GNAL: variants seen among roughly 807,000 people sequenced by gnomAD.
GNAL encodes the protein G protein subunit alpha L, also known as guanine nucleotide-binding protein G(olf) subunit alpha.
GNAL carries 18 observed loss-of-function variants against 55.1 expected under a neutral mutation model. That is an observed-to-expected ratio of 0.33 (90% CI 0.23 to 0.48). The LOEUF is 0.48. Ranked by LOEUF, GNAL falls within the 20% of genes least tolerant of loss-of-function variation. The probability of loss-of-function intolerance (pLI) is 0.99; values close to 1 mark genes in which losing one functional copy is unlikely to be tolerated. For synonymous variants in GNAL, 253 were observed against 237.0 expected (o/e 1.07, Z -0.62); for missense variants, 412 against 614.1 (o/e 0.67, Z 3.48).
At chr18:11,867,115 GC>G in intron 7 of GNAL, 52 bp from the exon 8 acceptor site, 1 of 1,342,674 alleles carries the variant, frequency 7.4e-7, no homozygotes, top group South Asian at 1.2e-5. Context: ...AAGCACGTTT[GC>G]CATTGTCCCC....
chr18:11,812,205 T>TA (rs1406351519), intron 4 of GNAL, among the ~76,000 whole-genome samples: 1 of 152,270 alleles, frequency 6.6e-6, no homozygotes, highest in Non-Finnish European at 1.5e-5. Context: ...AACTGATTAG[T>TA]AAAAGTTTAT....
chr18:11,833,500 C>T (rs1161835492), intron 5 of GNAL: 1 of 152,172 alleles, frequency 6.6e-6, no homozygotes, highest in Non-Finnish European at 1.5e-5. Flanking sequence ...TTTTATTCTC[C>T]TCTAGAAACC....
At chr18:11,703,075 G>A (rs149818319) in intron 1 of GNAL, among the ~76,000 whole-genome samples, 2,571 of 152,156 alleles carry the variant, frequency 0.017, 54 homozygotes, top group African/African-American at 0.052. Flanking sequence ...CAGAGATTGC[G>A]CCACTGCACT....
chr18:11,851,048 C>T (rs1298107528), intron 5 of GNAL, among the ~76,000 whole-genome samples: 1 of 152,200 alleles, frequency 6.6e-6, no homozygotes, highest in African/African-American at 2.4e-5. Flanking sequence ...GGTTTTTAGC[C>T]CGCTAGCCAG....
Position 11,884,779 on chromosome 18 carries a change from C to G in GNAL, c.*3644C>G, listed in dbSNP as rs1312256197. 3.7e-6 allele frequency: 5 copies of G among 1,343,212 alleles called. No individual in the cohort carries two copies. In the East Asian group the frequency reaches 1.3e-4, roughly 34 times the overall value. 83.2% of individuals were successfully genotyped at this position (1,343,212 alleles called of 1,614,324 possible). On this transcript the variant is annotated 3_prime_UTR_variant, in exon 12 of 12. Coordinates refer to ENST00000334049, the MANE Select transcript of GNAL (RefSeq NM_182978.4). ...CTCACCTGAGACCAAGGGGGCCCAG[C>G]CTTCTCCCTGCACAGCTCACCCCCG...
At chr18:11,717,858 A>G (rs1189740794) in intron 1 of GNAL, among the ~76,000 whole-genome samples, 2 of 152,228 alleles carry the variant, frequency 1.3e-5, no homozygotes, top group Non-Finnish European at 2.9e-5. Flanking sequence ...TACCTGGGTA[A>G]TGAAATAATC....
intron 1 of GNAL, among the ~76,000 whole-genome samples, chr18:11,712,331 C>A (rs1001182709): frequency 6.6e-6 from 1 of 152,208 alleles, no homozygotes; most frequent in African/African-American, 2.4e-5. Context: ...AGCTTGGGGG[C>A]AGGCCCGACG....
At chr18:11,715,928 A>T (rs2031952362) in intron 1 of GNAL, among the ~76,000 whole-genome samples, 1 of 152,174 alleles carries the variant, frequency 6.6e-6, no homozygotes, top group African/African-American at 2.4e-5. Flanking sequence ...GAGAAGTGCA[A>T]ATCAAAACTA....
intron 5 of GNAL, 100 bp from the exon 6 acceptor site, chr18:11,862,295 C>T (rs1346876629): frequency 1.2e-6 from 1 of 832,356 alleles, no homozygotes; most frequent in Admixed American, 1.9e-5. Context: ...GGCCTGCCCC[C>T]ATCCTTGCTG....
chr18:11,805,287 A>G (rs1598474945), intron 4 of GNAL, among the ~76,000 whole-genome samples: 1 of 151,966 alleles, frequency 6.6e-6, no homozygotes, highest in African/African-American at 2.4e-5. Context: ...GTGGTGAAGT[A>G]CAGGTGCAAT....
rs372490535 is a variant in GNAL, at chr18:11,788,908, A to AT, written c.624+34963_624+34964insT. 6.7e-3 allele frequency among the ~76,000 whole-genome samples: 494 copies of AT among 73,208 alleles called. 6 individuals carry two copies. Among genetic ancestry groups the AT allele is most frequent in the African/African-American group, 0.021 (367 of 17,720 alleles). The allele number at this position is 73,208 out of a possible 152,430, so 48.0% of individuals were successfully genotyped here. ...CAAGACTCCGTCTCGAAAAAAAAAA[A>AT]AAAAAAATATATATATATATATATA... is the stretch of plus-strand genomic sequence containing the variant. On this transcript the variant is annotated intron_variant, in intron 4 of 11. Coordinates refer to ENST00000334049, the MANE Select transcript of GNAL (RefSeq NM_182978.4).
At chr18:11,845,437 A>AT (rs896928097) in intron 5 of GNAL, among the ~76,000 whole-genome samples, 117 of 11,058 alleles carry the variant, frequency 0.011, no homozygotes, top group African/African-American at 0.018. Context: ...TTTCTTGAAA[A>AT]TAAAAAAAAA....
chr18:11,790,651 C>CTTTTCTTTTTTT (rs2034204062), intron 4 of GNAL, among the ~76,000 whole-genome samples: 1 of 83,358 alleles, frequency 1.2e-5, no homozygotes, highest in African/African-American at 5.4e-5. Flanking sequence ...CTTTTCTTTT[C>CTTTTCTTTTTTT]TTTTTTTTTC....
intron 1 of GNAL, among the ~76,000 whole-genome samples, chr18:11,708,455 A>G (rs1386597500): frequency 1.3e-5 from 2 of 152,178 alleles, no homozygotes; most frequent in Non-Finnish European, 2.9e-5. Context: ...CAACTACAAT[A>G]GTAACATCCA....
intron 5 of GNAL, chr18:11,851,640 C>T (rs370186582): frequency 2.0e-5 from 33 of 1,613,868 alleles, no homozygotes; most frequent in African/African-American, 5.3e-5. Context: ...TTCAGAAGGG[C>T]AACATGGAAG....
chr18:11,741,052 T>A (rs1318415234), intron 1 of GNAL, among the ~76,000 whole-genome samples: 1 of 152,208 alleles, frequency 6.6e-6, no homozygotes, highest in African/African-American at 2.4e-5. Flanking sequence ...TAAACCAAAG[T>A]CTAAAAGAAA....
intron 4 of GNAL, among the ~76,000 whole-genome samples, chr18:11,812,301 G>T (rs1319999875): frequency 2.0e-5 from 3 of 152,164 alleles, no homozygotes; most frequent in African/African-American, 7.2e-5. Flanking sequence ...TTGAAAAAAT[G>T]AGTAAAAGCA....
At chr18:11,842,270 C>T (rs565154783) in intron 5 of GNAL, among the ~76,000 whole-genome samples, 121 of 152,134 alleles carry the variant, frequency 8.0e-4, no homozygotes, top group African/African-American at 2.7e-3. Context: ...CATGAGCCAC[C>T]GCGCTCGGCC....
At chr18:11,874,416 A>T (rs1046764166) in intron 10 of GNAL, 1 of 150,780 alleles carries the variant, frequency 6.6e-6, no homozygotes, top group Non-Finnish European at 1.5e-5. Flanking sequence ...CACCATGTGA[A>T]TGCATTTGTG....
Sources: allele counts gnomAD v4.1 joint callset (sites outside exome capture counted in the v4.1 genomes callset), GRCh38; gene constraint gnomAD v4.1.1; transcripts MANE v1.5; gene names NCBI Gene and HGNC (gene_info 2026-07-23, HGNC 2026-07-21).